NECTIN3: variants seen among roughly 807,000 people sequenced by gnomAD.
NECTIN3 encodes nectin-3.
In NECTIN3, 8 loss-of-function variants were observed where a neutral mutation model predicts 49.4. The observed-to-expected ratio is 0.16, with a 90% CI of 0.10 to 0.29. The LOEUF (loss-of-function observed/expected upper bound fraction) is 0.29, where lower values mean the gene tolerates loss of function less well. Ranked by LOEUF, NECTIN3 falls within the 10% of genes least tolerant of loss-of-function variation. The pLI is 1.00. For missense variants in NECTIN3, 581 were observed against 654.6 expected (o/e 0.89, Z 1.23); for synonymous variants, 277 against 241.1 (o/e 1.15, Z -1.38).
At chr3:111,127,213 A>C (rs572939559) in intron 5 of NECTIN3, among the ~76,000 whole-genome samples, 1 of 152,316 alleles carries the variant, frequency 6.6e-6, no homozygotes, top group East Asian at 1.9e-4. Flanking sequence ...CAGATCTAAA[A>C]CTAGATAAAT....
chr3:111,186,470 T>C (rs1178381182), intron 7 of NECTIN3, among the ~76,000 whole-genome samples: 1 of 152,200 alleles, frequency 6.6e-6, no homozygotes, highest in Non-Finnish European at 1.5e-5. Flanking sequence ...AAGGACTCTG[T>C]ATTCAATAAA....
At position 111,133,710 on chromosome 3, in the gene NECTIN3, C is replaced by G; in HGVS notation, c.1145C>G (p.Thr382Arg). 1 of 1,613,900 alleles carries G rather than the reference C, an allele frequency of 6.2e-7. No individual in the cohort carries two copies. Among genetic ancestry groups the G allele is most frequent in the East Asian group, 2.2e-5 (1 of 44,872 alleles). The change falls in exon 6 of 6, where the codon ACA becomes AGA. Residue 382 changes from threonine (T) to arginine (R), a missense_variant. By Grantham distance (71) the Thr-to-Arg change is moderately conservative. Transcript: ENST00000485303. ...ACTGCTGACATCGAGGATCTAGCAA[C>G]AGAACCTAAAAAATTGCCCTTCCCA... ...PSTADIEDLA[T>R]EPKKLPFPLS... is the part of the protein sequence containing the mutation.
chr3:111,098,027 C>T (rs1289024528), intron 1 of NECTIN3, among the ~76,000 whole-genome samples: 1 of 152,172 alleles, frequency 6.6e-6, no homozygotes, highest in Admixed American at 6.5e-5. Context: ...TTGAAAACCA[C>T]TTTCTAGTCT....
chr3:111,104,243 A>T (rs2033062867), intron 1 of NECTIN3, among the ~76,000 whole-genome samples: 1 of 149,964 alleles, frequency 6.7e-6, no homozygotes, highest in South Asian at 2.1e-4. Context: ...GTTTTAGTTT[A>T]CATTTCCTTA....
chr3:111,139,231 C>T (rs2034679507), downstream of NECTIN3, among the ~76,000 whole-genome samples: 1 of 151,698 alleles, frequency 6.6e-6, no homozygotes, highest in Non-Finnish European at 1.5e-5. Context: ...AACATTCTGT[C>T]AAGTGAGCAT....
intron 1 of NECTIN3, among the ~76,000 whole-genome samples, chr3:111,104,466 G>A (rs750341077): frequency 3.3e-5 from 5 of 151,616 alleles, no homozygotes; most frequent in South Asian, 2.1e-4. Flanking sequence ...GACTACAGGC[G>A]TACACCAACA....
chr3:111,147,263 T>G, intron 6 of NECTIN3: 5 of 616,174 alleles, frequency 8.1e-6, no homozygotes, highest in Non-Finnish European at 1.1e-5. Flanking sequence ...AAGAACTGAA[T>G]TAAGCAGGTA....
intron 7 of NECTIN3, among the ~76,000 whole-genome samples, chr3:111,150,494 T>C (rs1378542841): frequency 1.3e-5 from 2 of 151,920 alleles, no homozygotes; most frequent in Non-Finnish European, 2.9e-5. Flanking sequence ...TGTGTGTAAT[T>C]TTTCTATGTG....
At chr3:111,186,643 G>A (rs575030849) in intron 7 of NECTIN3, among the ~76,000 whole-genome samples, 7 of 152,176 alleles carry the variant, frequency 4.6e-5, no homozygotes, top group Admixed American at 4.6e-4. Context: ...ATTAACCTAT[G>A]TAACAAACCT....
At chr3:111,115,028 A>G (rs1240066142) in intron 2 of NECTIN3, among the ~76,000 whole-genome samples, 4 of 152,094 alleles carry the variant, frequency 2.6e-5, no homozygotes, top group Non-Finnish European at 2.9e-5. Context: ...TAACCCCAGT[A>G]TTGTTGAAAT....
chr3:111,082,301 A>G (rs1278146032), intron 1 of NECTIN3, among the ~76,000 whole-genome samples: 4 of 152,078 alleles, frequency 2.6e-5, no homozygotes, highest in Non-Finnish European at 5.9e-5. Context: ...GGTAGGAGGT[A>G]GGTTGTGAAA....
intron 7 of NECTIN3, among the ~76,000 whole-genome samples, chr3:111,179,305 G>A (rs1210215590): frequency 6.6e-6 from 1 of 152,122 alleles, no homozygotes; most frequent in Non-Finnish European, 1.5e-5. Flanking sequence ...TTTGCAAGTA[G>A]TAATTCAGAC....
chr3:111,104,494 A>G (rs79114637), intron 1 of NECTIN3, among the ~76,000 whole-genome samples: 3 of 150,620 alleles, frequency 2.0e-5, no homozygotes, highest in Non-Finnish European at 4.4e-5. Context: ...CTAATTTTTT[A>G]TTTTTCGTAG....
intron 4 of NECTIN3, among the ~76,000 whole-genome samples, chr3:111,124,956 C>T (rs953014062): frequency 6.7e-6 from 1 of 150,280 alleles, no homozygotes; most frequent in African/African-American, 2.4e-5. Context: ...TTTTGAAAAT[C>T]TACTTAGCCT....
At chr3:111,107,059 T>G (rs1374002241) in intron 1 of NECTIN3, among the ~76,000 whole-genome samples, 1 of 152,190 alleles carries the variant, frequency 6.6e-6, no homozygotes, top group Non-Finnish European at 1.5e-5. Flanking sequence ...GGTTGCAATT[T>G]TATTCATATT....
chr3:111,072,043 C>G lies in NECTIN3; in HGVS notation c.26C>G (p.Pro9Arg). Residue 9 changes from proline to arginine, a missense_variant, in exon 1 of 6, where the codon CCG becomes CGG. This residue lies in a region of NECTIN3 where 109 missense variants were observed against 69.1 expected (regional missense o/e 1.58). Transcript: ENST00000485303. MARTLRPS[P>R]LCPGGGKAQL... The stretch of plus-strand genomic sequence containing the variant: ...ATGGCGCGGACCCTGCGGCCGTCCC[C>G]GCTGTGTCCTGGAGGCGGCAAAGCA... 1 of 1,541,410 alleles carries G rather than the reference C, an allele frequency of 6.5e-7. No homozygotes were observed. The highest frequency in any genetic ancestry group is 8.7e-7 in the Non-Finnish European group (1 of 1,143,042).
At position 111,137,384 on chromosome 3, in the gene NECTIN3, G is replaced by A. The variant is rs1008613057; in HGVS notation, c.*3169G>A. 2.3e-5 allele frequency: 22 copies of A among 958,186 alleles called. No homozygotes were observed. The African/African-American group carries it at 3.7e-4, about 16-fold the overall frequency. The allele number at this position is 958,186 out of a possible 1,614,324, so 59.4% of individuals were successfully genotyped here. ...CTCAAATTTTTTGTATATTGTGTTT[G>A]TGTTTGGGTTTTAGTTTGTACCCGC... On this transcript the variant is annotated 3_prime_UTR_variant, in exon 6 of 6. Coordinates refer to ENST00000485303, the MANE Select transcript of NECTIN3 (RefSeq NM_015480.3).
At chr3:111,106,608 T>C (rs2033193214) in intron 1 of NECTIN3, among the ~76,000 whole-genome samples, 1 of 152,174 alleles carries the variant, frequency 6.6e-6, no homozygotes, top group Non-Finnish European at 1.5e-5. Flanking sequence ...ATCAGGTTAA[T>C]TACTGAATGT....
intron 4 of NECTIN3, among the ~76,000 whole-genome samples, chr3:111,122,857 A>G (rs910441321): frequency 2.0e-5 from 3 of 151,970 alleles, no homozygotes; most frequent in African/African-American, 7.2e-5. Flanking sequence ...TTTAGGGCCT[A>G]TTTTGATCTC....
Sources: allele counts gnomAD v4.1 joint callset (sites outside exome capture counted in the v4.1 genomes callset), GRCh38; gene constraint gnomAD v4.1.1; regional missense constraint gnomAD v4.1.1; transcripts MANE v1.5; gene names NCBI Gene and HGNC (gene_info 2026-07-23, HGNC 2026-07-21).